Variants in ZDHHC14 observed in about 807,000 individuals in gnomAD.
ZDHHC14 encodes zDHHC palmitoyltransferase 14, also known as palmitoyltransferase ZDHHC14.
Under a neutral mutation model 47.7 loss-of-function variants are expected in ZDHHC14, and 16 were observed. That is an observed-to-expected ratio of 0.34 (90% CI 0.23 to 0.51). The LOEUF (loss-of-function observed/expected upper bound fraction) is 0.51. ZDHHC14 is among the 20% of genes least tolerant of loss of function. The pLI is 0.97. For synonymous variants in ZDHHC14, 293 were observed against 278.9 expected, an observed-to-expected ratio of 1.05 and a Z score of -0.50; for missense variants, 515 against 662.5, an observed-to-expected ratio of 0.78 and a Z score of 2.44.
chr6:157,388,862 T>TC (rs1562405997), intron 1 of ZDHHC14, among the ~76,000 whole-genome samples: 1 of 152,180 alleles, frequency 6.6e-6, no homozygotes, highest in Non-Finnish European at 1.5e-5. Context: ...GTCTATTCGG[T>TC]CCTCTCTCTT....
intron 1 of ZDHHC14, among the ~76,000 whole-genome samples, chr6:157,488,693 C>G (rs1779838766): frequency 6.6e-6 from 1 of 152,210 alleles, no homozygotes; most frequent in Non-Finnish European, 1.5e-5. Context: ...GTACTCACTA[C>G]CAGTTTAGTA....
chr6:157,456,944 T>C (rs561897764), intron 1 of ZDHHC14, among the ~76,000 whole-genome samples: 20 of 151,382 alleles, frequency 1.3e-4, no homozygotes, highest in African/African-American at 4.6e-4. Context: ...ATGTCAGGAG[T>C]TCGAGAGCAG....
chr6:157,568,583 A>T (rs1377495092), intron 2 of ZDHHC14, among the ~76,000 whole-genome samples: 3 of 152,028 alleles, frequency 2.0e-5, no homozygotes, highest in Non-Finnish European at 2.9e-5. Context: ...CCAGTTTTTA[A>T]TATTAATTAA....
chr6:157,625,482 A>T (rs905942365), intron 3 of ZDHHC14, among the ~76,000 whole-genome samples: 1 of 152,122 alleles, frequency 6.6e-6, no homozygotes, highest in Non-Finnish European at 1.5e-5. Context: ...CTTGAGATGA[A>T]AAGGGATTGC....
intron 8 of ZDHHC14, among the ~76,000 whole-genome samples, chr6:157,662,553 C>A (rs1778391692): frequency 6.6e-6 from 1 of 152,394 alleles, no homozygotes; most frequent in South Asian, 2.1e-4. Flanking sequence ...ACACAGGAGG[C>A]TCATAACAAA....
chr6:157,671,748 C>T (rs573750008), intron 8 of ZDHHC14, among the ~76,000 whole-genome samples: 1 of 152,308 alleles, frequency 6.6e-6, no homozygotes, highest in African/African-American at 2.4e-5. Context: ...CATTCTCAGA[C>T]CACAGAGGCT....
At chr6:157,664,334 C>A (rs1465178691) in intron 8 of ZDHHC14, among the ~76,000 whole-genome samples, 3 of 152,126 alleles carry the variant, frequency 2.0e-5, no homozygotes, top group African/African-American at 4.8e-5. Context: ...TTTCCCATTT[C>A]TTTGTATGTC....
intron 4 of ZDHHC14, chr6:157,631,202 T>G (rs1364325813): frequency 6.6e-6 from 1 of 152,256 alleles, no homozygotes; most frequent in East Asian, 1.9e-4. Flanking sequence ...CGGTGAAATC[T>G]GTGCCTGCCA....
intron 2 of ZDHHC14, among the ~76,000 whole-genome samples, chr6:157,562,976 G>A (rs1035593826): frequency 2.0e-5 from 3 of 152,100 alleles, no homozygotes; most frequent in African/African-American, 7.2e-5. Context: ...CTGACAAGAG[G>A]CTGCCCAGGA....
At chr6:157,615,889 G>A (rs1404789747) in intron 3 of ZDHHC14, among the ~76,000 whole-genome samples, 3 of 152,210 alleles carry the variant, frequency 2.0e-5, no homozygotes, top group Non-Finnish European at 4.4e-5. Flanking sequence ...AACAGACATA[G>A]GTCTAACTGC....
intron 1 of ZDHHC14, among the ~76,000 whole-genome samples, chr6:157,394,077 T>TCTCA (rs1490771707): frequency 6.6e-6 from 1 of 152,186 alleles, no homozygotes; most frequent in African/African-American, 2.4e-5. Context: ...CAATAGACAG[T>TCTCA]CTCAGGGCCC....
chr6:157,526,331 C>T (rs748615053), intron 1 of ZDHHC14, among the ~76,000 whole-genome samples: 10 of 152,228 alleles, frequency 6.6e-5, no homozygotes, highest in Admixed American at 3.3e-4. Flanking sequence ...CTTTCCCAGG[C>T]TTCTGGAGTA....
chr6:157,466,686 A>C (rs889632329), intron 1 of ZDHHC14, among the ~76,000 whole-genome samples: 1 of 151,986 alleles, frequency 6.6e-6, no homozygotes, highest in African/African-American at 2.4e-5. Context: ...AAAAATACAA[A>C]AATTAGCTGG....
At chr6:157,474,286 C>T (rs976531187) in intron 1 of ZDHHC14, among the ~76,000 whole-genome samples, 8 of 152,158 alleles carry the variant, frequency 5.3e-5, no homozygotes, top group African/African-American at 1.9e-4. Context: ...CCACTGTGCT[C>T]AGCCCCACAT....
chr6:157,571,777 T>TTA (rs1491388148), intron 2 of ZDHHC14, among the ~76,000 whole-genome samples: 15 of 36,540 alleles, frequency 4.1e-4, no homozygotes, highest in African/African-American at 3.0e-3. Context: ...GGAATCTGTA[T>TTA]TTTTTTTTTT....
intron 3 of ZDHHC14, among the ~76,000 whole-genome samples, chr6:157,594,138 T>A (rs1270979726): frequency 1.3e-5 from 2 of 152,224 alleles, no homozygotes; most frequent in Non-Finnish European, 2.9e-5. Context: ...GAATTTGTAG[T>A]CTCAATTCTT....
At chr6:157,452,787 CCG>C (rs1182446266) in intron 1 of ZDHHC14, among the ~76,000 whole-genome samples, 1 of 147,686 alleles carries the variant, frequency 6.8e-6, no homozygotes, top group African/African-American at 2.5e-5. Flanking sequence ...ACTGCAAGCT[CCG>C]CCTCCCGGGT....
At chr6:157,547,553 G>A (rs1200424346) in intron 2 of ZDHHC14, among the ~76,000 whole-genome samples, 2 of 150,398 alleles carry the variant, frequency 1.3e-5, no homozygotes, top group Non-Finnish European at 1.5e-5. Context: ...CTGTATTTAA[G>A]AGTAGAAACA....
chr6:157,637,923 A>T (rs1257425072), intron 5 of ZDHHC14, among the ~76,000 whole-genome samples: 2 of 152,228 alleles, frequency 1.3e-5, no homozygotes, highest in African/African-American at 2.4e-5. Flanking sequence ...CAGAAATATC[A>T]GTGTCAATGA....
Sources: allele counts gnomAD v4.1 joint callset (sites outside exome capture counted in the v4.1 genomes callset), GRCh38; gene constraint gnomAD v4.1.1; transcripts MANE v1.5; gene names NCBI Gene and HGNC (gene_info 2026-07-23, HGNC 2026-07-21).